The following ZNF445 variants were observed in gnomAD, a reference collection of about 807,000 sequenced individuals.
ZNF445 encodes zinc finger protein 445, also known as zinc finger protein 168.
In ZNF445, 19 loss-of-function variants were observed where a neutral mutation model predicts 93.9. That is an observed-to-expected ratio of 0.20 (90% CI 0.14 to 0.30). The LOEUF is 0.30. Among genes scored for constraint, ZNF445 ranks in the 10% least tolerant of loss-of-function variants. The pLI is 1.00. For synonymous variants in ZNF445, 449 were observed against 446.3 expected, an observed-to-expected ratio of 1.01 and a Z score of -0.08; for missense variants, 1,058 against 1,259.4, an observed-to-expected ratio of 0.84 and a Z score of 2.42.
rs1697853196 is a variant in ZNF445 at position 44,444,409 on chromosome 3, A to C, written c.*2166T>G. 6.6e-6 allele frequency: 1 copy of C among 152,186 alleles called. No homozygotes were observed. The highest frequency in any genetic ancestry group is 1.9e-4 in the East Asian group (1 of 5,180). The allele number at this position is 152,186 out of a possible 1,614,324, so 9.4% of individuals were successfully genotyped here. On this transcript the variant is annotated 3_prime_UTR_variant, in exon 8 of 8. Coordinates refer to ENST00000396077, the MANE Select transcript of ZNF445 (RefSeq NM_181489.6). ...TAGCACAGCCAAGCACTCTAACTTC[A>C]CACATAAGGAAATTGATGCAGAGGT...
At chr3:44,464,189 A>G (rs1251324493) in intron 1 of ZNF445, among the ~76,000 whole-genome samples, 1 of 152,096 alleles carries the variant, frequency 6.6e-6, no homozygotes, top group Non-Finnish European at 1.5e-5. Flanking sequence ...CTCCTGTAGT[A>G]TTTCCCTTAT....
At position 44,473,492 on chromosome 3, in the gene ZNF445, A is replaced by ACACACACACACAC. The variant is rs1559400839; in HGVS notation, c.-269+4098_-269+4099insGTGTGTGTGTGTG. Among the ~76,000 whole-genome samples, 872 of 89,102 alleles carry ACACACACACACAC rather than the reference A, an allele frequency of 9.8e-3. 23 individuals are homozygous for ACACACACACACAC. The highest frequency in any genetic ancestry group is 0.024 in the African/African-American group (705 of 29,846). 58.5% of individuals were successfully genotyped at this position (89,102 alleles called of 152,430 possible). A position where few individuals can be genotyped will look rare whatever the true frequency, so the allele number is the denominator to read the frequency against. The stretch of plus-strand genomic sequence containing the variant: ...ACACACACACACACACACACACACA[A>ACACACACACACAC]AAAATGCTTTCAGTATATATTTAAA... On this transcript the variant is annotated intron_variant, in intron 1 of 7. Transcript: ENST00000396077.
Position 44,447,167 on chromosome 3 carries a change from G to C in ZNF445, c.2504C>G (p.Thr835Ser). ...TTGACACCAAAAACGTTTCTCACCA[G>C]TGAGGATTTTTGGCTCCACATTTGG... Reference protein sequence around the residue: ...KTPNVEPKILTGEKRFWCQEC... With the variant: ...KTPNVEPKILSGEKRFWCQEC... The change falls in exon 8 of 8, where the codon ACT becomes AGT. Residue 835 changes from threonine (T) to serine (S), a missense_variant. Physicochemically the swap from Thr to Ser is moderately conservative, Grantham distance 58 (BLOSUM62 1). Transcript: ENST00000396077. The surrounding 1 kb of genome is among the most constrained non-coding windows in gnomAD (Gnocchi z 4.7). 6.2e-7 allele frequency: 1 copy of C among 1,614,212 alleles called. No homozygotes were observed. The highest frequency in any genetic ancestry group is 8.5e-7 in the Non-Finnish European group (1 of 1,180,044).
chr3:44,436,995 G>C lies in ZNF445; in HGVS notation c.*9580C>G, dbSNP rs975388960. The stretch of plus-strand genomic sequence containing the variant: ...AGAATTCAGGGCGAGTCCGTAAAGA[G>C]AAAGCAAGTTTATTAAGTAAAGGAA... On this transcript the variant is annotated 3_prime_UTR_variant, in exon 8 of 8. Transcript: ENST00000396077. 1 of 152,054 alleles carries C rather than the reference G, an allele frequency of 6.6e-6. No individual in the cohort carries two copies. The highest frequency in any genetic ancestry group is 1.5e-5 in the Non-Finnish European group (1 of 68,010). 9.4% of individuals were successfully genotyped at this position (152,054 alleles called of 1,614,324 possible). A position where few individuals can be genotyped will look rare whatever the true frequency, so the allele number is the denominator to read the frequency against.
intron 1 of ZNF445, among the ~76,000 whole-genome samples, chr3:44,462,125 C>CT (rs1220781880): frequency 6.6e-6 from 1 of 152,098 alleles, no homozygotes; most frequent in Non-Finnish European, 1.5e-5. Context: ...AAGAATTTGT[C>CT]TGTGTTCTGT....
chr3:44,452,328 G>A lies in ZNF445; in HGVS notation c.430-846C>T, dbSNP rs142231388. Among the ~76,000 whole-genome samples, 140 of 149,334 alleles carry A rather than the reference G, an allele frequency of 9.4e-4. No homozygotes were observed. The East Asian group carries it at 0.021, about 23-fold the overall frequency. On this transcript the variant is annotated intron_variant, in intron 3 of 7. Transcript: ENST00000396077. ...AACTGACCACAATAATTTATCTCCC[G>A]TTTTTTATTCTTCTAATAAAGGAAG...
chr3:44,464,388 C>T (rs1212348752), intron 1 of ZNF445, among the ~76,000 whole-genome samples: 4 of 152,144 alleles, frequency 2.6e-5, no homozygotes, highest in African/African-American at 4.8e-5. Flanking sequence ...CTTACAAGGG[C>T]TGAATCTTCT....
At chr3:44,472,891 C>T (rs1022189021) in intron 1 of ZNF445, among the ~76,000 whole-genome samples, 1 of 152,170 alleles carries the variant, frequency 6.6e-6, no homozygotes, top group Non-Finnish European at 1.5e-5. Context: ...GACTCTCCCC[C>T]CAGAGCTTTA....
chr3:44,448,343 C>G lies in ZNF445; in HGVS notation c.1328G>C (p.Gly443Ala). 2 of 1,614,222 alleles carry G rather than the reference C, an allele frequency of 1.2e-6. No homozygotes were observed. Among genetic ancestry groups the G allele is most frequent in the Non-Finnish European group, 1.7e-6 (2 of 1,180,028 alleles). ...YGKGLRHMIGGFSLHQRIHSG... is the reference protein window; with the variant it reads ...YGKGLRHMIGAFSLHQRIHSG... ...ATGAATTCTCTGATGTAGGCTGAAG[C>G]CCCCAATCATGTGTCTGAGCCCCTT... Residue 443 changes from glycine (G) to alanine (A), a missense_variant, in exon 8 of 8, where the codon GGC becomes GCC. By Grantham distance (60) the Gly-to-Ala change is moderately conservative. Transcript: ENST00000396077.
intron 3 of ZNF445, among the ~76,000 whole-genome samples, chr3:44,454,170 G>C (rs1213481554): frequency 6.7e-6 from 1 of 150,148 alleles, no homozygotes; most frequent in Non-Finnish European, 1.5e-5. Context: ...AACAAAATTA[G>C]CTGGGAGTGG....
At chr3:44,461,212 G>T (rs1484328840) in intron 1 of ZNF445, among the ~76,000 whole-genome samples, 2 of 152,120 alleles carry the variant, frequency 1.3e-5, no homozygotes, top group African/African-American at 4.8e-5. Context: ...CCATTACGGG[G>T]TGTCTGTTTG....
At chr3:44,462,079 G>C (rs958157211) in intron 1 of ZNF445, among the ~76,000 whole-genome samples, 1 of 152,070 alleles carries the variant, frequency 6.6e-6, no homozygotes, top group African/African-American at 2.4e-5. Context: ...ATAGAAACTA[G>C]TCTTTGGCGG....
chr3:44,455,884 C>T (rs1698023236), intron 2 of ZNF445, among the ~76,000 whole-genome samples, 188 bp from the exon 3 acceptor site: 1 of 152,134 alleles, frequency 6.6e-6, no homozygotes, highest in African/African-American at 2.4e-5. Flanking sequence ...AAAACATATA[C>T]TGAACTTATA....
rs976057803 is a variant in ZNF445 at position 44,434,433 on chromosome 3, A to T, written c.*12142T>A. 6 of 151,730 alleles carry T rather than the reference A, an allele frequency of 4.0e-5. No homozygotes were observed. The highest frequency in any genetic ancestry group is 9.7e-5 in the African/African-American group (4 of 41,306). 9.4% of individuals were successfully genotyped at this position (151,730 alleles called of 1,614,324 possible). A position where few individuals can be genotyped will look rare whatever the true frequency, so the allele number is the denominator to read the frequency against. On this transcript the variant is annotated 3_prime_UTR_variant, in exon 8 of 8. Coordinates refer to ENST00000396077, the MANE Select transcript of ZNF445 (RefSeq NM_181489.6). ...AAAAAGAAAAAAAAAAGAGAGAAAG[A>T]AGTTTTGGAAACATTATTTGCCCTT... is the stretch of plus-strand genomic sequence containing the variant.
At chr3:44,476,043 T>C (rs1698347330) in intron 1 of ZNF445, among the ~76,000 whole-genome samples, 1 of 151,940 alleles carries the variant, frequency 6.6e-6, no homozygotes, top group Non-Finnish European at 1.5e-5. Flanking sequence ...GAAAATAAAT[T>C]TAAGAATAGG....
chr3:44,455,106 C>A lies in ZNF445; in HGVS notation c.429+15G>T, dbSNP rs750252267. The A allele has an allele frequency of 6.2e-7, 1 of 1,613,942 alleles. No individual in the cohort carries two copies. Among genetic ancestry groups the A allele is most frequent in the Non-Finnish European group, 8.5e-7 (1 of 1,180,004 alleles). The stretch of plus-strand genomic sequence containing the variant: ...GGCAGAGTTCCCTGGGCACCACACA[C>A]TTGCTCACACTCACCCTCCAGGATG... On this transcript the variant is annotated intron_variant, in intron 3 of 7. Transcript: ENST00000396077.
rs200109674 is a variant in ZNF445 at position 44,436,645 on chromosome 3, GTTTTT to G, written c.*9925_*9929del. 6.7e-6 allele frequency: 1 copy of G among 149,086 alleles called. No individual in the cohort carries two copies. Among genetic ancestry groups the G allele is most frequent in the Non-Finnish European group, 1.5e-5 (1 of 67,138 alleles). 9.2% of individuals were successfully genotyped at this position (149,086 alleles called of 1,614,324 possible). On this transcript the variant is annotated 3_prime_UTR_variant, in exon 8 of 8. Coordinates refer to ENST00000396077, the MANE Select transcript of ZNF445 (RefSeq NM_181489.6). The stretch of plus-strand genomic sequence containing the variant: ...CAGTGCAGGTTATGTTTGCATTCGT[GTTTTT>G]TTTTTCTTTTGGAGATGAGTTCTCA...
Position 44,435,831 on chromosome 3 carries a change from C to T in ZNF445, c.*10744G>A, listed in dbSNP as rs933022226. 7 of 152,112 alleles carry T rather than the reference C, an allele frequency of 4.6e-5. No individual in the cohort carries two copies. Among genetic ancestry groups the T allele is most frequent in the African/African-American group, 9.7e-5 (4 of 41,396 alleles). The allele number at this position is 152,112 out of a possible 1,614,324, so 9.4% of individuals were successfully genotyped here. On this transcript the variant is annotated 3_prime_UTR_variant, in exon 8 of 8. Transcript: ENST00000396077. ...TCTGAGCCAAAAAGCCCATTGATCA[C>T]CTGACCTCCATACACTCTTACTCTG...
rs116693371 is a variant in ZNF445 at position 44,466,962 on chromosome 3, T to C, written c.-268-8598A>G. Among the ~76,000 whole-genome samples, 1,202 of 152,348 alleles carry C rather than the reference T, an allele frequency of 7.9e-3. 14 individuals carry two copies. The highest frequency in any genetic ancestry group is 0.028 in the African/African-American group (1,157 of 41,588). On this transcript the variant is annotated intron_variant, in intron 1 of 7. Transcript: ENST00000396077. ...TCAATTGTAGCTTTCATAGTGGCTA[T>C]ACATTTTTGTCATCCACAGGTATTT...
Sources: gnomAD v4.1 joint callset for allele counts (sites outside exome capture counted in the v4.1 genomes callset) on GRCh38, gnomAD v4.1.1 for gene constraint, Gnocchi (gnomAD v3.1) non-coding constraint, MANE v1.5 for transcripts, NCBI Gene and HGNC (gene_info 2026-07-23, HGNC 2026-07-21) for gene names.